Variants in SCHIP1 observed in about 807,000 individuals in gnomAD.
The protein encoded by SCHIP1 is schwannomin interacting protein 1.
A neutral mutation model predicts 29.7 loss-of-function variants in SCHIP1; 8 were observed. That is an observed-to-expected ratio of 0.27 (90% CI 0.16 to 0.49). The LOEUF (loss-of-function observed/expected upper bound fraction) is 0.49. Among genes scored for constraint, SCHIP1 ranks in the 20% least tolerant of loss-of-function variants. The probability of loss-of-function intolerance (pLI) is 0.99; values close to 1 mark genes in which losing one functional copy is unlikely to be tolerated. For missense variants in SCHIP1, 193 were observed against 294.6 expected (o/e 0.66, Z 2.52); for synonymous variants, 76 against 94.9 (o/e 0.80, Z 1.16).
the SCHIP1 span, among the ~76,000 whole-genome samples, chr3:159,455,168 C>A: frequency 6.6e-6 from 1 of 152,118 alleles, no homozygotes; most frequent in African/African-American, 2.4e-5. Flanking sequence ...TCTGTAATTT[C>A]TTGGGGAGGG....
the SCHIP1 span, among the ~76,000 whole-genome samples, chr3:159,621,735 G>T: frequency 6.6e-6 from 1 of 151,714 alleles, no homozygotes; most frequent in South Asian, 2.1e-4. Context: ...GTATGATCTC[G>T]TCCCACTGCA....
chr3:159,482,323 G>T, the SCHIP1 span, among the ~76,000 whole-genome samples: 2 of 152,088 alleles, frequency 1.3e-5, no homozygotes, highest in Non-Finnish European at 2.9e-5. Context: ...CTTCAAGAAG[G>T]ACGTATGAAT....
chr3:159,764,381 CG>C, the SCHIP1 span: 1 of 1,502,856 alleles, frequency 6.7e-7, no homozygotes, highest in South Asian at 1.4e-5. The surrounding 1 kb of genome is among the most constrained non-coding windows in gnomAD (Gnocchi z 6.1). Context: ...GCATTTGGGG[CG>C]GGTGGCGGGA....
the SCHIP1 span, among the ~76,000 whole-genome samples, chr3:159,586,273 G>A: frequency 1.3e-5 from 2 of 152,136 alleles, no homozygotes; most frequent in Non-Finnish European, 2.9e-5. Flanking sequence ...GCACCAGCAG[G>A]GGAGCAAAGG....
chr3:159,557,107 G>A, the SCHIP1 span, among the ~76,000 whole-genome samples: 7 of 151,406 alleles, frequency 4.6e-5, no homozygotes, highest in South Asian at 4.2e-4. Context: ...GCATGCATCC[G>A]CCACCACGCC....
the SCHIP1 span, among the ~76,000 whole-genome samples, chr3:159,287,771 G>C: frequency 6.6e-6 from 1 of 152,128 alleles, no homozygotes; most frequent in Non-Finnish European, 1.5e-5. Flanking sequence ...TGACTACATG[G>C]AGAGTGGCAA....
At chr3:159,764,430 C>A in the SCHIP1 span, 160 of 1,573,364 alleles carry the variant, frequency 1.0e-4, 1 homozygote, top group African/African-American at 1.9e-3. This position sits in a 1 kb window ranked among gnomAD's most constrained non-coding sequence, Gnocchi z 6.1. Flanking sequence ...CACTCTCTAC[C>A]TCCTCCCCCT....
At chr3:159,408,531 A>G in the SCHIP1 span, among the ~76,000 whole-genome samples, 2 of 152,146 alleles carry the variant, frequency 1.3e-5, no homozygotes, top group African/African-American at 2.4e-5. Context: ...CTTAGAGGCT[A>G]CTATAATCAA....
At chr3:159,838,023 C>T (rs74673560), upstream of SCHIP1, among the ~76,000 whole-genome samples, 955 of 152,252 alleles carry the variant, frequency 6.3e-3, 12 homozygotes, top group African/African-American at 0.022. Flanking sequence ...AGCTTCTGCA[C>T]GGTGAGTCTC....
chr3:159,606,401 G>A, the SCHIP1 span, among the ~76,000 whole-genome samples: 4 of 152,110 alleles, frequency 2.6e-5, 1 homozygote, highest in Middle Eastern at 9.5e-3. Context: ...TACTGGACCA[G>A]TGAAACCTTT....
chr3:159,887,631 G>A lies in SCHIP1; in HGVS notation c.268-77G>A. On this transcript the variant is annotated intron_variant, in intron 3 of 6. Coordinates refer to ENST00000445224, the Ensembl canonical transcript of SCHIP1. ...GAGCTGCTCTGAGAGAAGGCTCAGAGGATGTTGTAGCCCATCTCTAAGTGG... is the reference window on the plus strand; with the variant it reads ...GAGCTGCTCTGAGAGAAGGCTCAGAAGATGTTGTAGCCCATCTCTAAGTGG... The A allele has an allele frequency of 2.6e-6, 4 of 1,540,196 alleles. No individual in the cohort carries two copies. In the South Asian group the frequency reaches 4.6e-5, roughly 18 times the overall value.
chr3:159,652,217 C>T, the SCHIP1 span, among the ~76,000 whole-genome samples: 1 of 152,090 alleles, frequency 6.6e-6, no homozygotes, highest in Non-Finnish European at 1.5e-5. Context: ...TGTTAGAACA[C>T]CTTCAATATT....
the SCHIP1 span, among the ~76,000 whole-genome samples, chr3:159,412,502 G>T: frequency 6.6e-6 from 1 of 152,144 alleles, no homozygotes; most frequent in Non-Finnish European, 1.5e-5. Context: ...TTGTAATTGG[G>T]TGTACAAGTT....
chr3:159,319,100 A>G, the SCHIP1 span, among the ~76,000 whole-genome samples: 1 of 152,088 alleles, frequency 6.6e-6, no homozygotes, highest in African/African-American at 2.4e-5. Context: ...ATTTCATTCT[A>G]TTTTCTTTCC....
the SCHIP1 span, among the ~76,000 whole-genome samples, chr3:159,569,267 A>T: frequency 6.6e-6 from 1 of 152,052 alleles, no homozygotes; most frequent in Non-Finnish European, 1.5e-5. Flanking sequence ...TGCTGCACCC[A>T]TCAATTCATC....
chr3:159,876,215 C>T (rs925663545), intron 2 of SCHIP1, among the ~76,000 whole-genome samples: 4 of 152,194 alleles, frequency 2.6e-5, no homozygotes, highest in African/African-American at 9.6e-5. Context: ...CTTCCACCAT[C>T]GATCATGAGG....
the SCHIP1 span, among the ~76,000 whole-genome samples, chr3:159,336,219 A>T: frequency 2.0e-5 from 3 of 150,796 alleles, no homozygotes; most frequent in Non-Finnish European, 4.4e-5. Context: ...AATTTGTTTG[A>T]GTTCATTGTA....
At chr3:159,389,118 A>G in the SCHIP1 span, among the ~76,000 whole-genome samples, 1,006 of 152,112 alleles carry the variant, frequency 6.6e-3, 10 homozygotes, top group South Asian at 0.033. Flanking sequence ...GCAGCAATTC[A>G]TATTTTGGCA....
chr3:159,579,426 T>C, the SCHIP1 span, among the ~76,000 whole-genome samples: 1 of 152,236 alleles, frequency 6.6e-6, no homozygotes, highest in African/African-American at 2.4e-5. Flanking sequence ...ATTCTCCTAG[T>C]AAATTGCTTA....
Sources: gnomAD v4.1 joint callset for allele counts (sites outside exome capture counted in the v4.1 genomes callset) on GRCh38, gnomAD v4.1.1 for gene constraint, Gnocchi (gnomAD v3.1) non-coding constraint, MANE v1.5 for transcripts, NCBI Gene and HGNC (gene_info 2026-07-23, HGNC 2026-07-21) for gene names.